Variants in KIF13B observed in about 807,000 individuals in gnomAD.
KIF13B encodes the protein kinesin-like protein KIF13B.
Under a neutral mutation model 222.0 loss-of-function variants are expected in KIF13B, and 127 were observed. The observed-to-expected ratio is 0.57, with a 90% CI of 0.50 to 0.66. The LOEUF is 0.66. KIF13B is among the 30% of genes least tolerant of loss of function. The pLI is 0.00. For synonymous variants in KIF13B, 976 were observed against 919.0 expected (o/e 1.06, Z -1.12); for missense variants, 2,173 against 2,379.0 (o/e 0.91, Z 1.80).
intron 2 of KIF13B, among the ~76,000 whole-genome samples, chr8:29,212,964 C>G (rs1221006744): frequency 6.6e-6 from 1 of 151,778 alleles, no homozygotes; most frequent in Non-Finnish European, 1.5e-5. Context: ...AGCTAACAGT[C>G]TAGTTGATGA....
intron 3 of KIF13B, among the ~76,000 whole-genome samples, 197 bp from the exon 4 acceptor site, chr8:29,191,254 T>C (rs1813170561): frequency 6.6e-6 from 1 of 152,342 alleles, no homozygotes; most frequent in South Asian, 2.1e-4. Flanking sequence ...TGGAAAACTA[T>C]TCACAAAATG....
At position 29,186,443 on chromosome 8, in the gene KIF13B, T is replaced by C; in HGVS notation, c.346A>G (p.Thr116Ala). 6.2e-7 allele frequency: 1 copy of C among 1,611,536 alleles called. No homozygotes were observed. Residue 116 changes from threonine to alanine, a missense_variant, in exon 6 of 40, where the codon ACA becomes GCA. Transcript: ENST00000524189. Reference protein sequence around the residue: ...GSGKSYTMMGTADQPGLIPRL... With the variant: ...GSGKSYTMMGAADQPGLIPRL... ...GGGATTAATCCAGGTTGGTCAGCTG[T>C]GCCCATCATGGTATAAGATTTTCCA...
intron 1 of KIF13B, among the ~76,000 whole-genome samples, chr8:29,246,291 C>T (rs765182764): frequency 9.2e-5 from 14 of 151,742 alleles, no homozygotes; most frequent in Non-Finnish European, 1.6e-4. Context: ...GCAGGAGAAT[C>T]GCTTGAACCC....
At chr8:29,156,980 C>T (rs947343493) in intron 13 of KIF13B, among the ~76,000 whole-genome samples, 7 of 152,114 alleles carry the variant, frequency 4.6e-5, no homozygotes, top group African/African-American at 7.2e-5. Flanking sequence ...ATGGCACTAC[C>T]ACCACCAGTC....
At chr8:29,221,229 A>C (rs549247957) in intron 2 of KIF13B, among the ~76,000 whole-genome samples, 1 of 151,368 alleles carries the variant, frequency 6.6e-6, no homozygotes, top group African/African-American at 2.4e-5. Context: ...CAGCCTCCCA[A>C]GTAGCTGGGA....
intron 2 of KIF13B, among the ~76,000 whole-genome samples, chr8:29,199,775 T>C (rs928446724): frequency 1.3e-5 from 2 of 152,138 alleles, no homozygotes; most frequent in African/African-American, 4.8e-5. Flanking sequence ...CATTAACCAC[T>C]GCTCCTGCTA....
At chr8:29,255,511 T>C (rs1049590071) in intron 1 of KIF13B, among the ~76,000 whole-genome samples, 17 of 152,052 alleles carry the variant, frequency 1.1e-4, no homozygotes, top group African/African-American at 3.9e-4. Flanking sequence ...CTCCCATATT[T>C]CAAAAACTTC....
At chr8:29,165,970 G>A (rs886577844) in intron 11 of KIF13B, among the ~76,000 whole-genome samples, 198 bp from the exon 12 acceptor site, 7 of 125,058 alleles carry the variant, frequency 5.6e-5, no homozygotes, top group African/African-American at 8.9e-5. Context: ...TCCAAAATAT[G>A]CCCAAAAAGA....
intron 12 of KIF13B, among the ~76,000 whole-genome samples, chr8:29,165,187 A>G (rs1811941072): frequency 6.6e-6 from 1 of 152,186 alleles, no homozygotes. Context: ...TCACTAGAAA[A>G]TGGTGAGAGA....
chr8:29,072,195 G>C lies in KIF13B; in HGVS notation c.4643C>G (p.Thr1548Ser), dbSNP rs1360505133. Reference sequence around the variant, plus strand: ...CCCGTCCTGTGCCTCCGGAGCCGGGGTGACCGCTGTGACAGCTATGACAGG... The same window carrying C: ...CCCGTCCTGTGCCTCCGGAGCCGGGCTGACCGCTGTGACAGCTATGACAGG... The part of the protein sequence containing the change: ...PPPVIAVTAV[T>S]PAPEAQDGPP... The change falls in exon 39 of 40, where the codon ACC becomes AGC. Residue 1548 changes from threonine to serine, a missense_variant. Physicochemically the swap from Thr to Ser is moderately conservative, Grantham distance 58. This residue lies in a region of KIF13B where 693 missense variants were observed against 656.2 expected (regional missense o/e 1.06). Transcript: ENST00000524189. 6.9e-7 allele frequency: 1 copy of C among 1,448,634 alleles called. No homozygotes were observed. The highest frequency in any genetic ancestry group is 9.1e-7 in the Non-Finnish European group (1 of 1,101,968). 89.7% of individuals were successfully genotyped at this position (1,448,634 alleles called of 1,614,324 possible).
At chr8:29,120,426 G>A (rs1481424560) in intron 29 of KIF13B, among the ~76,000 whole-genome samples, 8 of 55,504 alleles carry the variant, frequency 1.4e-4, no homozygotes, top group Non-Finnish European at 2.4e-4. Flanking sequence ...GAGAATATGC[G>A]GTGTTTGGTT....
At chr8:29,126,254 C>T (rs966307865) in intron 26 of KIF13B, among the ~76,000 whole-genome samples, 52 of 152,226 alleles carry the variant, frequency 3.4e-4, no homozygotes, top group African/African-American at 1.2e-3. Flanking sequence ...GGCTGGGGAG[C>T]TCCAGGTTTG....
intron 35 of KIF13B, among the ~76,000 whole-genome samples, chr8:29,104,600 A>T (rs1808959508): frequency 6.6e-6 from 1 of 152,060 alleles, no homozygotes. Context: ...TTTAATTCAC[A>T]TGTGGTCATA....
chr8:29,095,390 C>G (rs963740260), intron 36 of KIF13B, among the ~76,000 whole-genome samples: 8 of 152,220 alleles, frequency 5.3e-5, no homozygotes. Flanking sequence ...TGAAAATATT[C>G]TTAAAACAAC....
Position 29,117,343 on chromosome 8 carries a change from T to A in KIF13B, c.3661-336A>T, listed in dbSNP as rs149375889. On this transcript the variant is annotated intron_variant, in intron 30 of 39. Coordinates refer to ENST00000524189, the MANE Select transcript of KIF13B (RefSeq NM_015254.4). ...CTGCTACCATTTGGCCACTTTTGCT[T>A]CTCTTTCTCACAACTCACACACACA... 1.4e-4 allele frequency among the ~76,000 whole-genome samples: 22 copies of A among 152,316 alleles called. No individual in the cohort carries two copies. In the East Asian group the frequency reaches 4.2e-3, roughly 29 times the overall value.
chr8:29,103,395 C>T (rs1808892805), intron 35 of KIF13B, among the ~76,000 whole-genome samples: 1 of 152,158 alleles, frequency 6.6e-6, no homozygotes, highest in Admixed American at 6.5e-5. Flanking sequence ...ACCTCAACTT[C>T]AGCCGGTCTT....
At chr8:29,112,620 A>G (rs1809410661) in intron 32 of KIF13B, among the ~76,000 whole-genome samples, 1 of 151,998 alleles carries the variant, frequency 6.6e-6, no homozygotes, top group Admixed American at 6.6e-5. Flanking sequence ...AACCCCGAGG[A>G]AGTGAAATCT....
At chr8:29,263,078 C>G (rs1587004779), upstream of KIF13B, 1 of 1,550,296 alleles carries the variant, frequency 6.5e-7, no homozygotes, top group South Asian at 1.2e-5. Flanking sequence ...TCTGCCGCGG[C>G]CACCGGCGAC....
chr8:29,076,842 G>A (rs1807583450), intron 37 of KIF13B, among the ~76,000 whole-genome samples: 1 of 152,184 alleles, frequency 6.6e-6, no homozygotes, highest in African/African-American at 2.4e-5. Flanking sequence ...AGATGTGGTG[G>A]TGCACACCTG....
Sources: allele counts gnomAD v4.1 joint callset (sites outside exome capture counted in the v4.1 genomes callset), GRCh38; gene constraint gnomAD v4.1.1; regional missense constraint gnomAD v4.1.1; transcripts MANE v1.5; gene names NCBI Gene and HGNC (gene_info 2026-07-23, HGNC 2026-07-21).